PM20D2: variants seen among roughly 807,000 people sequenced by gnomAD.
PM20D2 encodes the protein xaa-Arg dipeptidase.
A neutral mutation model predicts 42.9 loss-of-function variants in PM20D2; 33 were observed. That is an observed-to-expected ratio of 0.77 (90% confidence interval 0.58 to 1.03). The LOEUF is 1.03. Ranked by LOEUF, PM20D2 falls within the 50% of genes least tolerant of loss-of-function variation. The pLI, the probability that PM20D2 is intolerant of heterozygous loss-of-function variation, is 0.00. For synonymous variants in PM20D2, 250 were observed against 228.2 expected (o/e 1.10, Z -0.86); for missense variants, 548 against 557.0 (o/e 0.98, Z 0.16).
chr6:89,103,735 C>T, the PM20D2 span, among the ~76,000 whole-genome samples: 4 of 152,164 alleles, frequency 2.6e-5, no homozygotes, highest in East Asian at 5.8e-4. Context: ...GCTGGGATTA[C>T]AGGCGTGAGC....
chr6:89,162,325 T>C lies in PM20D2; in HGVS notation c.*62T>C. On this transcript the variant is annotated 3_prime_UTR_variant, in exon 7 of 7. Coordinates refer to ENST00000275072, the MANE Select transcript of PM20D2 (RefSeq NM_001010853.3). ...ATGATTTTTTTCTTTTAATCTCTTT[T>C]AATGAAGGCATGCTTGTTTTTTAAT... 6.8e-7 allele frequency: 1 copy of C among 1,473,426 alleles called. No homozygotes were observed. The highest frequency in any genetic ancestry group is 9.2e-7 in the Non-Finnish European group (1 of 1,084,644). The allele number at this position is 1,473,426 out of a possible 1,614,324, so 91.3% of individuals were successfully genotyped here.
intron 6 of PM20D2, 96 bp downstream of exon 6, chr6:89,161,986 A>G (rs1771257397): frequency 6.8e-7 from 1 of 1,472,616 alleles, no homozygotes; most frequent in South Asian, 1.2e-5. Context: ...ACATAACATC[A>G]CCTCAGTAAA....
the PM20D2 span, among the ~76,000 whole-genome samples, chr6:89,119,563 T>C: frequency 2.0e-5 from 3 of 152,340 alleles, no homozygotes; most frequent in East Asian, 5.8e-4. Flanking sequence ...GTTAGTTGGC[T>C]AGGGCTGCCA....
At chr6:89,102,542 C>T in the PM20D2 span, among the ~76,000 whole-genome samples, 1,000 of 151,954 alleles carry the variant, frequency 6.6e-3, 6 homozygotes, top group Middle Eastern at 0.01. Flanking sequence ...ATTTTGTAGA[C>T]AGCTGTAGGA....
the PM20D2 span, chr6:89,105,753 A>G: frequency 3.3e-6 from 1 of 304,684 alleles, no homozygotes; most frequent in South Asian, 8.1e-5. Flanking sequence ...AAAAAGAACA[A>G]AACAAACATG....
At chr6:89,095,805 A>C in the PM20D2 span, among the ~76,000 whole-genome samples, 1 of 152,212 alleles carries the variant, frequency 6.6e-6, no homozygotes, top group Non-Finnish European at 1.5e-5. Context: ...TCCTGGGGAG[A>C]AAGCAAGCAA....
At chr6:89,116,207 C>T in the PM20D2 span, among the ~76,000 whole-genome samples, 3 of 152,222 alleles carry the variant, frequency 2.0e-5, no homozygotes, top group Non-Finnish European at 4.4e-5. Context: ...GTTTATATTA[C>T]CCCGGCTGGC....
chr6:89,146,066 TG>T lies in PM20D2; in HGVS notation c.-76del. 1 of 1,276,830 alleles carries T rather than the reference TG, an allele frequency of 7.8e-7. No homozygotes were observed. Among genetic ancestry groups the T allele is most frequent in the Non-Finnish European group, 1.0e-6 (1 of 991,802 alleles). 79.1% of individuals were successfully genotyped at this position (1,276,830 alleles called of 1,614,324 possible). ...GCTCCGCCGGGGTCCTGGAGGCCTCTGGGCGCGTGCGCGGGCGGTCGCTACC... is the reference window on the plus strand; with the variant it reads ...GCTCCGCCGGGGTCCTGGAGGCCTCTGGCGCGTGCGCGGGCGGTCGCTACC... On this transcript the variant is annotated 5_prime_UTR_variant, in exon 1 of 7. Coordinates refer to ENST00000275072, the MANE Select transcript of PM20D2 (RefSeq NM_001010853.3).
the PM20D2 span, among the ~76,000 whole-genome samples, chr6:89,133,048 C>G: frequency 6.7e-6 from 1 of 150,350 alleles, no homozygotes; most frequent in Non-Finnish European, 1.5e-5. Flanking sequence ...CATAGTGAGA[C>G]CTCATTCTAC....
chr6:89,132,032 C>T, the PM20D2 span, among the ~76,000 whole-genome samples: 1 of 152,136 alleles, frequency 6.6e-6, no homozygotes, highest in Admixed American at 6.6e-5. Flanking sequence ...AGGACATCAA[C>T]CTCCAAAGAG....
intron 1 of PM20D2, among the ~76,000 whole-genome samples, chr6:89,147,631 A>G (rs1770638194): frequency 6.6e-6 from 1 of 151,910 alleles, no homozygotes; most frequent in South Asian, 2.1e-4. Flanking sequence ...TAATGAGTTA[A>G]GGGTCAAGAA....
the PM20D2 span, among the ~76,000 whole-genome samples, chr6:89,133,003 C>T: frequency 2.7e-5 from 4 of 150,556 alleles, no homozygotes; most frequent in East Asian, 7.7e-4. Context: ...CAGGAGGATA[C>T]CTTGAGCCCA....
the PM20D2 span, chr6:89,098,794 C>T: frequency 6.2e-7 from 1 of 1,613,942 alleles, no homozygotes; most frequent in Non-Finnish European, 8.5e-7. Flanking sequence ...TTCCTATTGA[C>T]TTGGACCTCT....
chr6:89,146,483 G>A lies in PM20D2; in HGVS notation c.339G>A (p.Glu113=). ...PRPLHLGFLC[E]YDALPGIGHA... Reference sequence around the variant, plus strand: ...CGCTGCACCTGGGCTTCCTCTGCGAGTACGACGCGCTGCCCGGCATCGGCC... The same window carrying A: ...CGCTGCACCTGGGCTTCCTCTGCGAATACGACGCGCTGCCCGGCATCGGCC... Residue 113 remains glutamate, a synonymous_variant, in exon 1 of 7, where the codon GAG becomes GAA. Coordinates refer to ENST00000275072, the MANE Select transcript of PM20D2 (RefSeq NM_001010853.3). The A allele has an allele frequency of 6.6e-7, 1 of 1,523,988 alleles. No homozygotes were observed. The highest frequency in any genetic ancestry group is 8.7e-7 in the Non-Finnish European group (1 of 1,143,024). 94.4% of individuals were successfully genotyped at this position (1,523,988 alleles called of 1,614,324 possible). A position where few individuals can be genotyped will look rare whatever the true frequency, so the allele number is the denominator to read the frequency against.
the PM20D2 span, chr6:89,097,291 T>A: frequency 6.6e-6 from 1 of 152,128 alleles, no homozygotes; most frequent in Admixed American, 6.6e-5. Context: ...TCTATAAATA[T>A]ATCCCCTATA....
chr6:89,123,373 C>T, the PM20D2 span, among the ~76,000 whole-genome samples: 1 of 152,114 alleles, frequency 6.6e-6, no homozygotes, highest in African/African-American at 2.4e-5. Context: ...TAAATTAGCT[C>T]ACTTTTATTT....
At chr6:89,146,860 C>G (rs1770595240) in intron 1 of PM20D2, among the ~76,000 whole-genome samples, 1 of 152,252 alleles carries the variant, frequency 6.6e-6, no homozygotes, top group Non-Finnish European at 1.5e-5. Flanking sequence ...TAGTTATAAA[C>G]AGCTCTGCTG....
the PM20D2 span, among the ~76,000 whole-genome samples, chr6:89,124,533 A>AT: frequency 7.2e-5 from 11 of 152,128 alleles, no homozygotes; most frequent in Non-Finnish European, 1.6e-4. Flanking sequence ...ACTAGGAGTT[A>AT]TTTTAGAGGA....
chr6:89,165,199 T>C lies in PM20D2; in HGVS notation c.*2936T>C, dbSNP rs1367594512. The C allele has an allele frequency of 3.3e-5, 5 of 152,100 alleles. No homozygotes were observed. The allele number at this position is 152,100 out of a possible 1,614,324, so 9.4% of individuals were successfully genotyped here. A position where few individuals can be genotyped will look rare whatever the true frequency, so the allele number is the denominator to read the frequency against. ...TAATATGTTGTTTTTTAAAAACCTG[T>C]CTGATGGTGTTTTATACATTTCTAA... On this transcript the variant is annotated 3_prime_UTR_variant, in exon 7 of 7. Transcript: ENST00000275072.
Sources: gnomAD v4.1 joint callset for allele counts (sites outside exome capture counted in the v4.1 genomes callset) on GRCh38, gnomAD v4.1.1 for gene constraint, MANE v1.5 for transcripts, NCBI Gene and HGNC (gene_info 2026-07-23, HGNC 2026-07-21) for gene names.